Variants in GRAMD1B observed in about 807,000 individuals in gnomAD.
The protein encoded by GRAMD1B is protein Aster-B.
A neutral mutation model predicts 99.7 loss-of-function variants in GRAMD1B; 37 were observed. That is an observed-to-expected ratio of 0.37 (90% confidence interval 0.29 to 0.49). The LOEUF is 0.49. Ranked by LOEUF, GRAMD1B falls within the 20% of genes least tolerant of loss-of-function variation. GRAMD1B has a pLI of 0.98. For synonymous variants in GRAMD1B, 427 were observed against 387.6 expected, an observed-to-expected ratio of 1.10 and a Z score of -1.19; for missense variants, 888 against 1,009.2, an observed-to-expected ratio of 0.88 and a Z score of 1.63.
intron 1 of GRAMD1B, among the ~76,000 whole-genome samples, chr11:123,462,587 G>A (rs560380111): frequency 6.6e-5 from 10 of 152,270 alleles, no homozygotes; most frequent in South Asian, 2.1e-4. Context: ...TGAATGCTAC[G>A]CTCCAGCACT....
At chr11:123,546,457 T>C (rs979508237) in intron 2 of GRAMD1B, among the ~76,000 whole-genome samples, 1 of 152,200 alleles carries the variant, frequency 6.6e-6, no homozygotes, top group Non-Finnish European at 1.5e-5. Context: ...CTCTTTAATC[T>C]CTCTTTCTAT....
At chr11:123,397,965 A>C (rs535587813) in intron 1 of GRAMD1B, among the ~76,000 whole-genome samples, 1 of 152,226 alleles carries the variant, frequency 6.6e-6, no homozygotes, top group South Asian at 2.1e-4. Flanking sequence ...TGGGTATACC[A>C]TAATTTATCT....
At chr11:123,526,200 C>T (rs202038762) in intron 2 of GRAMD1B, 9 of 1,602,142 alleles carry the variant, frequency 5.6e-6, no homozygotes, top group Non-Finnish European at 6.8e-6. Flanking sequence ...GGGCACCTTC[C>T]TCTTCTGCCT....
At chr11:123,582,928 C>A (rs4936832) in intron 3 of GRAMD1B, among the ~76,000 whole-genome samples, 86,580 of 152,094 alleles carry the variant, frequency 0.57, 25,877 homozygotes, top group South Asian at 0.77. Context: ...AGCTCCCCCA[C>A]CCAGCGATCC....
chr11:123,605,598 G>C, intron 10 of GRAMD1B, 120 bp downstream of exon 10: 1 of 803,092 alleles, frequency 1.2e-6, no homozygotes. Context: ...ATTGTTGTCA[G>C]TTTCTTCAAG....
At chr11:123,424,833 G>A (rs1449438801) in intron 1 of GRAMD1B, among the ~76,000 whole-genome samples, 2 of 152,196 alleles carry the variant, frequency 1.3e-5, no homozygotes, top group Non-Finnish European at 2.9e-5. Context: ...AATGCACCAT[G>A]TGTATCTTAT....
chr11:123,470,843 C>T (rs2134665290), intron 1 of GRAMD1B, among the ~76,000 whole-genome samples: 1 of 152,268 alleles, frequency 6.6e-6, no homozygotes, highest in East Asian at 1.9e-4. Flanking sequence ...CAAGCTAGAA[C>T]TCAAATCCTG....
At chr11:123,611,232 T>C (rs1232557325) in intron 14 of GRAMD1B, among the ~76,000 whole-genome samples, 1 of 151,894 alleles carries the variant, frequency 6.6e-6, no homozygotes, top group Admixed American at 6.6e-5. Context: ...GCCCAGGAGT[T>C]CAAGACCAGC....
chr11:123,593,641 C>T (rs1950924850), intron 4 of GRAMD1B, among the ~76,000 whole-genome samples: 1 of 152,152 alleles, frequency 6.6e-6, no homozygotes, highest in Non-Finnish European at 1.5e-5. Context: ...CTGATAATCA[C>T]GACAACACCT....
rs542042216 is a variant in GRAMD1B, at chr11:123,369,701, G to A, written c.-176+10902G>A. 2.6e-3 allele frequency among the ~76,000 whole-genome samples: 392 copies of A among 151,750 alleles called. 1 individual carries two copies. The highest frequency in any genetic ancestry group is 3.6e-3 in the African/African-American group (147 of 41,348). On this transcript the variant is annotated intron_variant, in intron 1 of 20. Coordinates refer to the GRAMD1B transcript ENST00000638157. The stretch of plus-strand genomic sequence containing the variant: ...AGCCTGGGCAACATGGCAAAACCCC[G>A]TCTCTACTAAAAATACAAAAATTAG...
intron 1 of GRAMD1B, among the ~76,000 whole-genome samples, chr11:123,359,080 G>A (rs1040542096): frequency 2.6e-5 from 4 of 152,144 alleles, no homozygotes; most frequent in African/African-American, 9.7e-5. Flanking sequence ...ATTTCTGGAG[G>A]TGGCGGAGCT....
intron 2 of GRAMD1B, among the ~76,000 whole-genome samples, chr11:123,550,822 C>T (rs956791545): frequency 6.6e-6 from 1 of 152,146 alleles, no homozygotes; most frequent in Non-Finnish European, 1.5e-5. Context: ...TGGTCACTGG[C>T]CTGTCCTAGG....
chr11:123,425,086 A>G (rs1473314219), intron 1 of GRAMD1B, among the ~76,000 whole-genome samples: 1 of 152,216 alleles, frequency 6.6e-6, no homozygotes, highest in Non-Finnish European at 1.5e-5. Flanking sequence ...TCCAGCAAGG[A>G]GATGCTATTT....
intron 19 of GRAMD1B, among the ~76,000 whole-genome samples, chr11:123,621,095 T>G (rs1352214919): frequency 6.6e-6 from 1 of 152,156 alleles, no homozygotes; most frequent in African/African-American, 2.4e-5. Context: ...TTCAATCCCT[T>G]TAAAAGTAAC....
intron 2 of GRAMD1B, among the ~76,000 whole-genome samples, chr11:123,536,302 C>T (rs1943957490): frequency 6.6e-6 from 1 of 152,140 alleles, no homozygotes; most frequent in South Asian, 2.1e-4. Flanking sequence ...GTAATCCAAG[C>T]TACTTGGGAG....
chr11:123,462,540 C>T (rs1383542600), intron 1 of GRAMD1B, among the ~76,000 whole-genome samples: 1 of 152,228 alleles, frequency 6.6e-6, no homozygotes, highest in Non-Finnish European at 1.5e-5. Context: ...TCAGTCTCAT[C>T]AGTGAGGTTA....
intron 1 of GRAMD1B, among the ~76,000 whole-genome samples, chr11:123,400,185 A>G (rs1947610564): frequency 6.6e-6 from 1 of 152,184 alleles, no homozygotes; most frequent in Non-Finnish European, 1.5e-5. Flanking sequence ...CTTATAAAAA[A>G]TAGAAATCAG....
At chr11:123,361,745 G>T (rs1363489115) in intron 1 of GRAMD1B, among the ~76,000 whole-genome samples, 1 of 152,170 alleles carries the variant, frequency 6.6e-6, no homozygotes, top group Admixed American at 6.5e-5. Flanking sequence ...GACTTCCAAG[G>T]TGTACTCCAG....
Position 123,413,976 on chromosome 11 carries a change from CT to C in GRAMD1B, c.-176+55178del, listed in dbSNP as rs1386965322. On this transcript the variant is annotated intron_variant, in intron 1 of 20. Coordinates refer to the GRAMD1B transcript ENST00000638157. ...TCTAATGAAAACACGTGGCTATTAT[CT>C]GTACAGTGGATGATCTCAGAAGGAC... Among the ~76,000 whole-genome samples, 3 of 152,040 alleles carry C rather than the reference CT, an allele frequency of 2.0e-5. No homozygotes were observed. The East Asian group carries it at 5.8e-4, about 29-fold the overall frequency.
Sources: allele counts gnomAD v4.1 joint callset (sites outside exome capture counted in the v4.1 genomes callset), GRCh38; gene constraint gnomAD v4.1.1; transcripts MANE v1.5; gene names NCBI Gene and HGNC (gene_info 2026-07-23, HGNC 2026-07-21).